KDM4B: variants seen among roughly 807,000 people sequenced by gnomAD.
The protein encoded by KDM4B is lysine demethylase 4B.
Under a neutral mutation model 125.2 loss-of-function variants are expected in KDM4B, and 32 were observed. The ratio of observed to expected loss-of-function variants is 0.26; its 90% CI spans 0.19 to 0.34. KDM4B has a LOEUF of 0.34. KDM4B is among the 10% of genes least tolerant of loss of function. The pLI, the probability that KDM4B is intolerant of heterozygous loss-of-function variation, is 1.00. For missense variants in KDM4B, 1,190 were observed against 1,577.7 expected, an observed-to-expected ratio of 0.75 and a Z score of 4.16; for synonymous variants, 721 against 677.9, an observed-to-expected ratio of 1.06 and a Z score of -0.99.
intron 6 of KDM4B, among the ~76,000 whole-genome samples, chr19:5,062,961 T>G (rs2145785188): frequency 1.3e-5 from 2 of 151,818 alleles, no homozygotes; most frequent in Middle Eastern, 6.8e-3. Flanking sequence ...GTTTATATTA[T>G]GATTTTAAGA....
chr19:5,132,622 G>C (rs1041989950), intron 13 of KDM4B, among the ~76,000 whole-genome samples: 2 of 152,250 alleles, frequency 1.3e-5, no homozygotes, highest in South Asian at 2.1e-4. Flanking sequence ...CGGGGACAGA[G>C]GAATGACCAG....
At chr19:5,137,834 C>A in intron 17 of KDM4B, 128 bp from the exon 18 acceptor site, 1 of 1,038,168 alleles carries the variant, frequency 9.6e-7, no homozygotes, top group South Asian at 1.5e-5. Context: ...GAGGAGCATA[C>A]GCCTGCACCG....
intron 9 of KDM4B, among the ~76,000 whole-genome samples, chr19:5,104,569 C>T (rs1417424531): frequency 6.6e-6 from 1 of 151,834 alleles, no homozygotes; most frequent in South Asian, 2.1e-4. Context: ...CAGTTCTGAA[C>T]CCGGCAAAGA....
At chr19:4,985,491 G>A (rs1290921108) in intron 1 of KDM4B, among the ~76,000 whole-genome samples, 1 of 152,262 alleles carries the variant, frequency 6.6e-6, no homozygotes, top group Non-Finnish European at 1.5e-5. Context: ...TTCTAGCTCT[G>A]TGAGGCTGGG....
chr19:5,033,809 C>G (rs967107914), intron 3 of KDM4B, among the ~76,000 whole-genome samples: 7 of 152,190 alleles, frequency 4.6e-5, no homozygotes, highest in Non-Finnish European at 1.5e-5. Context: ...AGCAGACCCC[C>G]GAACCCCACA....
chr19:4,983,347 A>G (rs73921817), intron 1 of KDM4B, among the ~76,000 whole-genome samples: 54 of 152,186 alleles, frequency 3.5e-4, no homozygotes, highest in African/African-American at 1.3e-3. Flanking sequence ...CGCCTATCCC[A>G]GGCAGGACTT....
chr19:5,150,729 A>G (rs1054999652), intron 22 of KDM4B, among the ~76,000 whole-genome samples: 2 of 152,114 alleles, frequency 1.3e-5, no homozygotes, highest in Admixed American at 1.3e-4. Context: ...TCACGAATGC[A>G]GAACAGACCC....
Position 5,039,985 on chromosome 19 carries a change from G to A in KDM4B, c.291G>A (p.Glu97=), listed in dbSNP as rs1161024680. ...AGAAGAAGGCCATGACAGTGGGCGA[G>A]TACCGCCGCCTGGCCAACAGCGAGA... ...NIQKKAMTVG[E]YRRLANSEKY... The change falls in exon 4 of 23, where the codon GAG becomes GAA. Residue 97 remains glutamate, a synonymous_variant. Transcript: ENST00000159111. The A allele has an allele frequency of 1.2e-6, 2 of 1,611,894 alleles. No individual in the cohort carries two copies. Among genetic ancestry groups the A allele is most frequent in the Admixed American group, 3.3e-5 (2 of 59,976 alleles).
chr19:5,151,799 T>C lies in KDM4B; in HGVS notation c.*288T>C. 2.9e-6 allele frequency: 1 copy of C among 339,528 alleles called. No individual in the cohort carries two copies. 21.0% of individuals were successfully genotyped at this position (339,528 alleles called of 1,614,324 possible). ...TCTTCTCGAAAAGGTGCTACTGCAA[T>C]GCCCTACTGAGCAACCTTTGAGATT... On this transcript the variant is annotated 3_prime_UTR_variant, in exon 23 of 23. Transcript: ENST00000159111.
intron 6 of KDM4B, among the ~76,000 whole-genome samples, chr19:5,066,850 C>CG (rs562146173): frequency 2.0e-4 from 31 of 152,270 alleles, no homozygotes; most frequent in South Asian, 6.2e-4. Flanking sequence ...GGAGTGGGTA[C>CG]GGGGGGCAGA....
chr19:5,030,192 GA>G (rs2036407912), intron 2 of KDM4B, among the ~76,000 whole-genome samples: 1 of 152,070 alleles, frequency 6.6e-6, no homozygotes. Context: ...CTGAAGCCTC[GA>G]CCTCCCAGGC....
At chr19:5,024,820 T>C (rs1192793478) in intron 2 of KDM4B, among the ~76,000 whole-genome samples, 3 of 151,664 alleles carry the variant, frequency 2.0e-5, no homozygotes, top group East Asian at 1.9e-4. Context: ...TGGTGGGGAG[T>C]GCCTGTAATC....
chr19:5,043,025 G>A (rs766639983), intron 5 of KDM4B, among the ~76,000 whole-genome samples: 9 of 149,496 alleles, frequency 6.0e-5, no homozygotes, highest in Non-Finnish European at 1.2e-4. Flanking sequence ...CACTTGTGGC[G>A]TCGTTATCGG....
At chr19:5,074,626 G>A (rs2613768) in intron 7 of KDM4B, 120,177 of 152,282 alleles carry the variant, frequency 0.79, 48,266 homozygotes, top group East Asian at 0.94. Flanking sequence ...CATCATTCTC[G>A]TTGAAATGCT....
At chr19:4,998,586 A>G (rs907249193) in intron 1 of KDM4B, among the ~76,000 whole-genome samples, 1 of 152,164 alleles carries the variant, frequency 6.6e-6, no homozygotes, top group African/African-American at 2.4e-5. Flanking sequence ...GAATTTTTGT[A>G]TCAAGTTATC....
chr19:5,106,057 C>T (rs542383690), intron 9 of KDM4B, among the ~76,000 whole-genome samples: 1 of 152,228 alleles, frequency 6.6e-6, no homozygotes, highest in Non-Finnish European at 1.5e-5. Flanking sequence ...CTTGAGAGAG[C>T]TCTGCCCATA....
At chr19:5,148,489 C>G (rs2039889765) in intron 21 of KDM4B, among the ~76,000 whole-genome samples, 1 of 152,238 alleles carries the variant, frequency 6.6e-6, no homozygotes, top group African/African-American at 2.4e-5. Flanking sequence ...CTAGAACGCG[C>G]CTTCCCCTCC....
intron 9 of KDM4B, among the ~76,000 whole-genome samples, chr19:5,108,308 A>G (rs1393148304): frequency 2.0e-5 from 3 of 152,206 alleles, no homozygotes; most frequent in Non-Finnish European, 4.4e-5. Flanking sequence ...CCATGGCCAA[A>G]TGACACCACC....
intron 10 of KDM4B, chr19:5,112,637 G>C (rs2039172327): frequency 6.6e-6 from 1 of 152,306 alleles, no homozygotes; most frequent in Non-Finnish European, 1.5e-5. Flanking sequence ...CCATCTGTCT[G>C]TGAGTCTGGG....
Sources: allele counts gnomAD v4.1 joint callset (sites outside exome capture counted in the v4.1 genomes callset), GRCh38; gene constraint gnomAD v4.1.1; transcripts MANE v1.5; gene names NCBI Gene and HGNC (gene_info 2026-07-23, HGNC 2026-07-21).